Variants in REDIC1 observed in about 807,000 individuals in gnomAD.
REDIC1 encodes HEI10 Interacting Protein 1.
At chr12:39,896,751 T>G in the REDIC1 span, among the ~76,000 whole-genome samples, 1 of 152,084 alleles carries the variant, frequency 6.6e-6, no homozygotes, top group Non-Finnish European at 1.5e-5. Flanking sequence ...TTGCAGTTTC[T>G]ATTATATTTT....
At chr12:39,735,335 G>T in the REDIC1 span, among the ~76,000 whole-genome samples, 1 of 152,148 alleles carries the variant, frequency 6.6e-6, no homozygotes, top group Non-Finnish European at 1.5e-5. Flanking sequence ...TGGGAAGAAT[G>T]GGGATATTTA....
the REDIC1 span, chr12:39,760,117 G>A: frequency 1.2e-6 from 2 of 1,612,912 alleles, no homozygotes; most frequent in Non-Finnish European, 1.7e-6. Context: ...ATCAGAATCT[G>A]AAGTGCCACA....
chr12:39,764,084 C>T, the REDIC1 span, among the ~76,000 whole-genome samples: 2 of 152,086 alleles, frequency 1.3e-5, no homozygotes, highest in East Asian at 3.9e-4. Flanking sequence ...CAGGACATCT[C>T]ATTGGCCCTA....
At chr12:39,766,848 C>T in the REDIC1 span, among the ~76,000 whole-genome samples, 1 of 152,070 alleles carries the variant, frequency 6.6e-6, no homozygotes, top group African/African-American at 2.4e-5. Flanking sequence ...AATTCAGTCA[C>T]ATCTTTAGGC....
the REDIC1 span, among the ~76,000 whole-genome samples, chr12:39,695,695 G>A: frequency 6.6e-6 from 1 of 152,164 alleles, no homozygotes; most frequent in Admixed American, 6.5e-5. Flanking sequence ...CTGAAGGGAA[G>A]GACACAGGCC....
At chr12:39,877,169 T>C in the REDIC1 span, among the ~76,000 whole-genome samples, 317 of 152,282 alleles carry the variant, frequency 2.1e-3, no homozygotes, top group African/African-American at 7.2e-3. Flanking sequence ...GCTCTTATGC[T>C]GCTATAAAGA....
chr12:39,883,618 G>T, the REDIC1 span, among the ~76,000 whole-genome samples: 2 of 152,170 alleles, frequency 1.3e-5, no homozygotes, highest in African/African-American at 4.8e-5. Context: ...CACTGCTCTT[G>T]GCACTGACTC....
the REDIC1 span, among the ~76,000 whole-genome samples, chr12:39,774,748 T>A: frequency 6.6e-6 from 1 of 152,124 alleles, no homozygotes; most frequent in African/African-American, 2.4e-5. Context: ...GCCTTAGAAA[T>A]TTGGAGCAAA....
the REDIC1 span, among the ~76,000 whole-genome samples, chr12:39,878,776 T>G: frequency 6.6e-6 from 1 of 152,218 alleles, no homozygotes; most frequent in Non-Finnish European, 1.5e-5. Context: ...TCAAGCATGC[T>G]GTGGAGCAAC....
chr12:39,647,957 G>C, the REDIC1 span: 1 of 1,559,484 alleles, frequency 6.4e-7, no homozygotes, highest in African/African-American at 1.4e-5. Flanking sequence ...ACTTGCATAT[G>C]AAAAAAAGCA....
At chr12:39,694,555 CCCTAACCAGAGGGGAATTGCTGA>C in the REDIC1 span, among the ~76,000 whole-genome samples, 1 of 152,174 alleles carries the variant, frequency 6.6e-6, no homozygotes, top group Non-Finnish European at 1.5e-5. Context: ...TTTAAACCAG[CCCTAACCAGAGGGGAATTGCTGA>C]TCCTAGTGGT....
At chr12:39,692,831 G>T in the REDIC1 span, among the ~76,000 whole-genome samples, 1 of 151,952 alleles carries the variant, frequency 6.6e-6, no homozygotes, top group South Asian at 2.1e-4. Flanking sequence ...TAGTTCATAT[G>T]ATATGCACTT....
chr12:39,657,391 C>T, the REDIC1 span, among the ~76,000 whole-genome samples: 172 of 152,282 alleles, frequency 1.1e-3, no homozygotes, highest in African/African-American at 4.0e-3. Context: ...GATGTTCCCA[C>T]AATGACAAAA....
chr12:39,852,766 G>T, the REDIC1 span, among the ~76,000 whole-genome samples: 1 of 152,140 alleles, frequency 6.6e-6, no homozygotes, highest in African/African-American at 2.4e-5. Context: ...ACCTCTGATT[G>T]GTCCTCTCCT....
At chr12:39,646,870 A>G in the REDIC1 span, 3 of 1,599,402 alleles carry the variant, frequency 1.9e-6, no homozygotes, top group Admixed American at 1.7e-5. Flanking sequence ...GTAGCAAGGA[A>G]GATCTTGGCC....
chr12:39,711,927 CTATATGTATA>C, the REDIC1 span, among the ~76,000 whole-genome samples: 1 of 119,672 alleles, frequency 8.4e-6, no homozygotes, highest in East Asian at 2.7e-4. Flanking sequence ...ACATACATGT[CTATATGTATA>C]TAGACATGTA....
the REDIC1 span, among the ~76,000 whole-genome samples, chr12:39,724,982 GATCTATTATATA>G: frequency 6.6e-6 from 1 of 151,926 alleles, no homozygotes; most frequent in Non-Finnish European, 1.5e-5. Context: ...TTCTAGAATG[GATCTATTATATA>G]ATCCACAGAT....
At chr12:39,748,037 A>T in the REDIC1 span, among the ~76,000 whole-genome samples, 1 of 152,208 alleles carries the variant, frequency 6.6e-6, no homozygotes, top group Non-Finnish European at 1.5e-5. Flanking sequence ...CAAAATAACC[A>T]GCTAACATCA....
the REDIC1 span, among the ~76,000 whole-genome samples, chr12:39,799,495 A>G: frequency 6.6e-6 from 1 of 152,126 alleles, no homozygotes; most frequent in Admixed American, 6.6e-5. Flanking sequence ...CTAAAATTAT[A>G]GTAAAAATAA....
Sources: allele counts gnomAD v4.1 joint callset (sites outside exome capture counted in the v4.1 genomes callset), GRCh38; gene constraint gnomAD v4.1.1; transcripts MANE v1.5; gene names NCBI Gene and HGNC (gene_info 2026-07-23, HGNC 2026-07-21).